GINM1: variants seen among roughly 807,000 people sequenced by gnomAD.
GINM1 encodes the protein glycoprotein integral membrane protein 1.
A neutral mutation model predicts 37.8 loss-of-function variants in GINM1; 29 were observed. The ratio of observed to expected loss-of-function variants is 0.77; its 90% CI spans 0.57 to 1.05. The LOEUF (loss-of-function observed/expected upper bound fraction) is 1.05. Ranked by LOEUF, GINM1 falls within the 50% of genes least tolerant of loss-of-function variation. The pLI is 0.00. For synonymous variants in GINM1, 143 were observed against 146.2 expected (o/e 0.98, Z 0.16); for missense variants, 377 against 397.9 (o/e 0.95, Z 0.45).
intron 7 of GINM1, among the ~76,000 whole-genome samples, chr6:149,588,355 C>T (rs9322188): frequency 0.43 from 65,180 of 152,048 alleles, 15,556 homozygotes; most frequent in East Asian, 0.81. Flanking sequence ...CGTAGAGCCT[C>T]TGGCCATTTT....
In GINM1 at chr6:149,566,616, C is replaced by T; in HGVS notation, c.120+82C>T. ...GGGCTGTCCACAGTGACGCTTCCCA[C>T]ATCCCACCGGCGGGCAGGGGCGGGG... On this transcript the variant is annotated intron_variant, in intron 1 of 7. Transcript: ENST00000367419. This position sits in a 1 kb window ranked among gnomAD's most constrained non-coding sequence, Gnocchi z 4.4. 7.3e-7 allele frequency: 1 copy of T among 1,371,252 alleles called. No individual in the cohort carries two copies. The highest frequency in any genetic ancestry group is 9.4e-7 in the Non-Finnish European group (1 of 1,060,424). The allele number at this position is 1,371,252 out of a possible 1,614,324, so 84.9% of individuals were successfully genotyped here.
At chr6:149,579,000 A>G in intron 4 of GINM1, 27 bp downstream of exon 4, 1 of 1,365,334 alleles carries the variant, frequency 7.3e-7, no homozygotes, top group Non-Finnish European at 1.0e-6. Context: ...ATTAATTGGG[A>G]ATTAAATGAT....
intron 1 of GINM1, among the ~76,000 whole-genome samples, chr6:149,570,950 G>C (rs752126022): frequency 6.6e-5 from 10 of 152,144 alleles, no homozygotes; most frequent in Non-Finnish European, 1.3e-4. Flanking sequence ...TCCTGCTTTT[G>C]ATAATACCTT....
At chr6:149,582,126 A>G (rs1288075719) in intron 6 of GINM1, 1 of 492,006 alleles carries the variant, frequency 2.0e-6, no homozygotes, top group Non-Finnish European at 4.1e-6. Flanking sequence ...TCTCTTGTCA[A>G]TTAGCAATTA....
At position 149,580,678 on chromosome 6, in the gene GINM1, G is replaced by A. The variant is rs776313529; in HGVS notation, c.672G>A (p.Lys224=). The part of the protein sequence containing the change: ...TTVDEDVLPG[K]LPETPLRAEP... ...TAGATGAAGATGTTTTACCTGGCAA[G>A]TTACCTGAAACTCCTCTCAGAGCAG... Residue 224 remains lysine (K), a synonymous_variant, in exon 6 of 8, where the codon AAG becomes AAA. Coordinates refer to ENST00000367419, the MANE Select transcript of GINM1 (RefSeq NM_138785.5). The A allele has an allele frequency of 1.2e-6, 2 of 1,612,378 alleles. No homozygotes were observed. Among genetic ancestry groups the A allele is most frequent in the South Asian group, 1.1e-5 (1 of 91,038 alleles).
In GINM1 at chr6:149,572,533, T is replaced by C. The variant is rs147432783; in HGVS notation, c.207T>C (p.Ser69=). 1.1e-4 allele frequency: 181 copies of C among 1,601,298 alleles called. No homozygotes were observed. Among genetic ancestry groups the C allele is most frequent in the Non-Finnish European group, 1.4e-4 (168 of 1,171,524 alleles). The stretch of plus-strand genomic sequence containing the variant: ...TTGTTCTTAACATAACCTATGAGAG[T>C]GGACAGGTGTATGTAAATGACTTAC... ...QQVVLNITYE[S]GQVYVNDLPV... is the part of the protein sequence containing the mutation. The change falls in exon 3 of 8, where the codon AGT becomes AGC. Residue 69 remains serine, a synonymous_variant. Coordinates refer to ENST00000367419, the MANE Select transcript of GINM1 (RefSeq NM_138785.5).
intron 3 of GINM1, among the ~76,000 whole-genome samples, chr6:149,572,851 A>G (rs954928860): frequency 3.2e-4 from 49 of 152,126 alleles, no homozygotes; most frequent in African/African-American, 1.1e-3. Context: ...TAGTAGAGAC[A>G]GGGTTTCGCC....
chr6:149,584,811 A>G (rs1363497808), intron 7 of GINM1, among the ~76,000 whole-genome samples: 1 of 149,444 alleles, frequency 6.7e-6, no homozygotes, highest in Non-Finnish European at 1.5e-5. Context: ...AAATATTTAT[A>G]AATGTATATA....
intron 7 of GINM1, among the ~76,000 whole-genome samples, 200 bp from the exon 8 acceptor site, chr6:149,590,527 C>G (rs531863715): frequency 1.2e-4 from 19 of 152,252 alleles, no homozygotes; most frequent in African/African-American, 4.3e-4. Context: ...TTCCTCGATG[C>G]CTTTCTATTC....
At chr6:149,570,188 ATATATATAT>A (rs1562269830) in intron 1 of GINM1, among the ~76,000 whole-genome samples, 68 of 92,994 alleles carry the variant, frequency 7.3e-4, no homozygotes, top group Non-Finnish European at 1.1e-3. Context: ...ATATATATAT[ATATATATAT>A]AAAGTTCAGT....
At chr6:149,589,721 T>C (rs1778126049) in intron 7 of GINM1, among the ~76,000 whole-genome samples, 2 of 152,230 alleles carry the variant, frequency 1.3e-5, no homozygotes, top group African/African-American at 2.4e-5. Context: ...TATATGTTAG[T>C]CTTTTTCTGG....
At position 149,580,600 on chromosome 6, in the gene GINM1, TAGTTCACTGCAAACCACTAGC is replaced by T; in HGVS notation, c.595_615del (p.Ser199_Ser205del). 2 of 1,611,640 alleles carry T rather than the reference TAGTTCACTGCAAACCACTAGC, an allele frequency of 1.2e-6. No individual in the cohort carries two copies. Among genetic ancestry groups the T allele is most frequent in the Non-Finnish European group, 1.7e-6 (2 of 1,179,108 alleles). Reference sequence around the variant, plus strand: ...GCTCTTTCTCCTGGGTAGAAAGTGTTAGTTCACTGCAAACCACTAGCCAGTATCTTATCAGGAATGTGGAAA... The same window carrying T: ...GCTCTTTCTCCTGGGTAGAAAGTGTTCAGTATCTTATCAGGAATGTGGAAA... On this transcript the variant is annotated inframe_deletion, in exon 6 of 8. Transcript: ENST00000367419.
At chr6:149,586,499 C>T (rs1778072858) in intron 7 of GINM1, among the ~76,000 whole-genome samples, 1 of 152,122 alleles carries the variant, frequency 6.6e-6, no homozygotes, top group Non-Finnish European at 1.5e-5. Flanking sequence ...AAATCTAGCA[C>T]CACCAAAACC....
chr6:149,589,184 T>G (rs1455394062), intron 7 of GINM1, among the ~76,000 whole-genome samples: 1 of 152,056 alleles, frequency 6.6e-6, no homozygotes, highest in African/African-American at 2.4e-5. Context: ...GCCCAAGCAG[T>G]CCTCCTGCTT....
chr6:149,582,468 G>C lies in GINM1; in HGVS notation c.746G>C (p.Arg249Thr). ...ATGTGTCAGTGGATGGAAAAGTTTA[G>C]AAAAGATCTGTGTAGGTTCTGGAGC... ...KVMCQWMEKF[R>T]KDLCRFWSNV... The change falls in exon 7 of 8, where the codon AGA becomes ACA. Residue 249 changes from arginine to threonine, a missense_variant. By Grantham distance (71) the Arg-to-Thr change is moderately conservative. Coordinates refer to ENST00000367419, the MANE Select transcript of GINM1 (RefSeq NM_138785.5). 6.2e-7 allele frequency: 1 copy of C among 1,607,798 alleles called. No individual in the cohort carries two copies. The highest frequency in any genetic ancestry group is 8.5e-7 in the Non-Finnish European group (1 of 1,178,780).
At chr6:149,585,348 G>A (rs1467241059) in intron 7 of GINM1, among the ~76,000 whole-genome samples, 3 of 152,030 alleles carry the variant, frequency 2.0e-5, no homozygotes, top group South Asian at 2.1e-4. Flanking sequence ...TCTACCTAGA[G>A]GTAGTCATTG....
intron 3 of GINM1, among the ~76,000 whole-genome samples, chr6:149,574,169 G>C (rs1777875784): frequency 6.6e-6 from 1 of 151,042 alleles, no homozygotes; most frequent in East Asian, 1.9e-4. Context: ...TCCTGCCTCA[G>C]CCTCCCGAGT....
Position 149,590,736 on chromosome 6 carries a change from T to A in GINM1, c.891T>A (p.Leu297=). The A allele has an allele frequency of 6.6e-7, 1 of 1,524,834 alleles. No homozygotes were observed. Among genetic ancestry groups the A allele is most frequent in the African/African-American group, 1.4e-5 (1 of 72,974 alleles). 94.5% of individuals were successfully genotyped at this position (1,524,834 alleles called of 1,614,324 possible). ...TCACTTTCTATTTCAGAGGAATTCT[T>A]CAGTTGGATAAAGTGGACGTCATAC... is the stretch of plus-strand genomic sequence containing the variant. ...FFPVSEYKGI[L]QLDKVDVIPV... Residue 297 remains leucine (L), a synonymous_variant, in exon 8 of 8, where the codon CTT becomes CTA. Coordinates refer to ENST00000367419, the MANE Select transcript of GINM1 (RefSeq NM_138785.5).
intron 1 of GINM1, among the ~76,000 whole-genome samples, chr6:149,568,851 G>A (rs9498373): frequency 7.2e-4 from 109 of 151,526 alleles, no homozygotes; most frequent in African/African-American, 2.5e-3. Context: ...TTTTTGAGAC[G>A]GAATATCTCG....
Sources: allele counts gnomAD v4.1 joint callset (sites outside exome capture counted in the v4.1 genomes callset), GRCh38; gene constraint gnomAD v4.1.1; non-coding constraint Gnocchi (gnomAD v3.1); transcripts MANE v1.5; gene names NCBI Gene and HGNC (gene_info 2026-07-23, HGNC 2026-07-21).